The following MOB1A variants were observed in gnomAD, a reference collection of about 807,000 sequenced individuals.
MOB1A encodes MOB1 Mps One Binder homolog A.
MOB1A carries 10 observed loss-of-function variants against 25.1 expected under a neutral mutation model. The ratio of observed to expected loss-of-function variants is 0.40; its 90% confidence interval spans 0.25 to 0.68. The LOEUF (loss-of-function observed/expected upper bound fraction) is 0.68. MOB1A is among the 30% of genes least tolerant of loss of function. The pLI, the probability that MOB1A is intolerant of heterozygous loss-of-function variation, is 0.40. For missense variants in MOB1A, 177 were observed against 256.3 expected, an observed-to-expected ratio of 0.69 and a Z score of 2.11; for synonymous variants, 81 against 79.5, an observed-to-expected ratio of 1.02 and a Z score of -0.10.
At chr2:74,165,460 C>T (rs1223439904) in intron 3 of MOB1A, 109 bp from the exon 4 acceptor site, 6 of 590,970 alleles carry the variant, frequency 1.0e-5, no homozygotes, top group Non-Finnish European at 1.3e-5. Context: ...TTACATCTAA[C>T]TTTAATAAAT....
At chr2:74,172,433 G>C (rs374530342) in intron 2 of MOB1A, among the ~76,000 whole-genome samples, 153 bp downstream of exon 2, 1 of 152,196 alleles carries the variant, frequency 6.6e-6, no homozygotes, top group Admixed American at 6.6e-5. Context: ...ACTCTGAAAA[G>C]AGCAACATAG....
intron 4 of MOB1A, among the ~76,000 whole-genome samples, chr2:74,160,422 C>T (rs866796937): frequency 2.0e-5 from 3 of 152,162 alleles, no homozygotes; most frequent in Admixed American, 6.5e-5. Context: ...CAGTGGCTCA[C>T]GCCTGTAATC....
At chr2:74,164,788 A>AAAAC (rs57447538) in intron 4 of MOB1A, 39,226 of 151,886 alleles carry the variant, frequency 0.26, 7,648 homozygotes, top group African/African-American at 0.54. Context: ...AATGATCAAT[A>AAAAC]AAACAAACAA....
At position 74,159,273 on chromosome 2, in the gene MOB1A, A is replaced by G. The variant is rs1460397993; in HGVS notation, c.410-19T>C. ...GGGACACCTGCAATTAAATACACAT[A>G]TGAAACAATTATTTGGTTATCTAAC... On this transcript the variant is annotated intron_variant, in intron 4 of 5. Coordinates refer to ENST00000396049, the MANE Select transcript of MOB1A (RefSeq NM_018221.5). 2 of 1,605,802 alleles carry G rather than the reference A, an allele frequency of 1.2e-6. No homozygotes were observed. Among genetic ancestry groups the G allele is most frequent in the African/African-American group, 1.3e-5 (1 of 74,586 alleles).
chr2:74,161,063 A>C (rs1340939915), intron 4 of MOB1A, among the ~76,000 whole-genome samples: 2 of 152,214 alleles, frequency 1.3e-5, no homozygotes, highest in East Asian at 3.9e-4. Context: ...CCATCTCAAA[A>C]AATAAAAATA....
At chr2:74,165,680 C>T (rs1178393094) in intron 3 of MOB1A, among the ~76,000 whole-genome samples, 1 of 152,154 alleles carries the variant, frequency 6.6e-6, no homozygotes. Flanking sequence ...GCCGATGGAT[C>T]CACTACATTC....
intron 4 of MOB1A, among the ~76,000 whole-genome samples, chr2:74,161,549 G>GAGAATGGC (rs558620871): frequency 1.3e-5 from 2 of 151,966 alleles, no homozygotes; most frequent in Admixed American, 6.6e-5. Context: ...GCTGAGACAG[G>GAGAATGGC]AGAATGGCAG....
At chr2:74,173,890 AGT>A in intron 1 of MOB1A, among the ~76,000 whole-genome samples, 1 of 140,772 alleles carries the variant, frequency 7.1e-6, no homozygotes, top group East Asian at 2.3e-4. Context: ...CGGAGCTTGC[AGT>A]GAGTCGAGAT....
intron 4 of MOB1A, 123 bp downstream of exon 4, chr2:74,165,095 G>A: frequency 5.0e-6 from 3 of 602,102 alleles, no homozygotes; most frequent in Non-Finnish European, 7.8e-6. Flanking sequence ...CAAGGCAGGA[G>A]GATCACTTGA....
At position 74,155,487 on chromosome 2, in the gene MOB1A, TATAAG is replaced by T. The variant is rs1183625090; in HGVS notation, c.*1076_*1080del. 6.6e-6 allele frequency: 1 copy of T among 152,622 alleles called. No individual in the cohort carries two copies. Among genetic ancestry groups the T allele is most frequent in the African/African-American group, 2.4e-5 (1 of 41,458 alleles). The allele number at this position is 152,622 out of a possible 1,614,324, so 9.5% of individuals were successfully genotyped here. A position where few individuals can be genotyped will look rare whatever the true frequency, so the allele number is the denominator to read the frequency against. On this transcript the variant is annotated 3_prime_UTR_variant, in exon 6 of 6. Transcript: ENST00000396049. ...TAGCACACCAAAACTTTATCTGTGT[TATAAG>T]ATGTGTACACCTTCATGGTTTATTG... is the stretch of plus-strand genomic sequence containing the variant.
At chr2:74,176,125 A>C (rs975366251) in intron 1 of MOB1A, among the ~76,000 whole-genome samples, 23 of 93,722 alleles carry the variant, frequency 2.5e-4, no homozygotes, top group African/African-American at 8.3e-4. Flanking sequence ...CACACACACA[A>C]ACTAGCCGGG....
At chr2:74,158,996 T>C in intron 5 of MOB1A, 95 bp downstream of exon 5, 1 of 1,245,262 alleles carries the variant, frequency 8.0e-7, no homozygotes, top group Non-Finnish European at 1.1e-6. Context: ...TAATTGGCTC[T>C]ACATCTATAA....
At position 74,159,118 on chromosome 2, in the gene MOB1A, G is replaced by C. The variant is rs758157554; in HGVS notation, c.546C>G (p.Ser182=). The C allele has an allele frequency of 3.1e-6, 5 of 1,613,970 alleles. No homozygotes were observed. The highest frequency in any genetic ancestry group is 1.7e-5 in the Admixed American group (1 of 59,994). The change falls in exon 5 of 6, where the codon TCC becomes TCG. Residue 182 remains serine, a synonymous_variant. Transcript: ENST00000396049. Reference sequence around the variant, plus strand: ...GAACAAAGAAAATAAAGTGCTTAAAGGAGGTGTTGAGGTGGGCCTCCTCTT... The same window carrying C: ...GAACAAAGAAAATAAAGTGCTTAAACGAGGTGTTGAGGTGGGCCTCCTCTT... ...QLQEEAHLNT[S]FKHFIFFVQE...
intron 2 of MOB1A, among the ~76,000 whole-genome samples, chr2:74,170,331 G>A (rs1167609041): frequency 4.0e-5 from 6 of 151,886 alleles, no homozygotes; most frequent in Non-Finnish European, 7.4e-5. Flanking sequence ...TAGAGATGGG[G>A]TTTTACCATG....
chr2:74,175,480 T>C (rs1226106829), intron 1 of MOB1A, among the ~76,000 whole-genome samples: 1 of 152,240 alleles, frequency 6.6e-6, no homozygotes, highest in Non-Finnish European at 1.5e-5. Flanking sequence ...GAAACTAGTA[T>C]TTTAATACAC....
At chr2:74,158,778 C>CAA (rs58720139) in intron 5 of MOB1A, among the ~76,000 whole-genome samples, 21,632 of 81,674 alleles carry the variant, frequency 0.26, 2,519 homozygotes, top group East Asian at 0.47. Flanking sequence ...GACCCTGTCT[C>CAA]AAAAAAAAAA....
chr2:74,158,711 G>A (rs1247531638), intron 5 of MOB1A, among the ~76,000 whole-genome samples: 2 of 150,896 alleles, frequency 1.3e-5, no homozygotes, highest in Non-Finnish European at 2.9e-5. Flanking sequence ...CCCAGGAGGC[G>A]GAGGTTGCAG....
At chr2:74,177,495 G>C (rs142446511) in intron 1 of MOB1A, among the ~76,000 whole-genome samples, 1 of 152,176 alleles carries the variant, frequency 6.6e-6, no homozygotes, top group Non-Finnish European at 1.5e-5. Context: ...AAATCATACA[G>C]GCTTTTTGAC....
rs1693492458 is a variant in MOB1A, at chr2:74,176,988, C to G, written c.14+1673G>C. Reference sequence around the variant, plus strand: ...CGCAAAAACCTGTCACATATGTTCACAGCAGCATTATTCATAATGGCCAAA... The same window carrying G: ...CGCAAAAACCTGTCACATATGTTCAGAGCAGCATTATTCATAATGGCCAAA... On this transcript the variant is annotated intron_variant, in intron 1 of 5. Coordinates refer to ENST00000396049, the MANE Select transcript of MOB1A (RefSeq NM_018221.5). 3.9e-5 allele frequency among the ~76,000 whole-genome samples: 6 copies of G among 152,188 alleles called. No individual in the cohort carries two copies. The South Asian group carries it at 1.2e-3, about 32-fold the overall frequency.
Sources: gnomAD v4.1 joint callset for allele counts (sites outside exome capture counted in the v4.1 genomes callset) on GRCh38, gnomAD v4.1.1 for gene constraint, MANE v1.5 for transcripts, NCBI Gene and HGNC (gene_info 2026-07-23, HGNC 2026-07-21) for gene names.